PARP14: variants seen among roughly 807,000 people sequenced by gnomAD.
PARP14 encodes protein mono-ADP-ribosyltransferase PARP14.
In PARP14, 59 loss-of-function variants were observed where a neutral mutation model predicts 154.2. The ratio of observed to expected loss-of-function variants is 0.38; its 90% CI spans 0.31 to 0.48. PARP14 has a LOEUF of 0.48. Ranked by LOEUF, PARP14 falls within the 20% of genes least tolerant of loss-of-function variation. The pLI is 0.98. For synonymous variants in PARP14, 720 were observed against 780.5 expected (o/e 0.92, Z 1.29); for missense variants, 1,734 against 2,131.6 (o/e 0.81, Z 3.67).
intron 15 of PARP14, chr3:122,722,771 CCT>C (rs1331784939): frequency 6.6e-6 from 1 of 152,100 alleles, no homozygotes; most frequent in Non-Finnish European, 1.5e-5. Context: ...GCTTTCTCTC[CCT>C]GTCTGTTTTT....
intron 6 of PARP14, among the ~76,000 whole-genome samples, chr3:122,703,028 AAAC>A: frequency 1.0e-5 from 1 of 100,170 alleles, no homozygotes. Flanking sequence ...AAAAAACAAA[AAAC>A]AAAAAACAGT....
chr3:122,699,096 G>A (rs1938867717), intron 5 of PARP14, among the ~76,000 whole-genome samples: 1 of 152,178 alleles, frequency 6.6e-6, no homozygotes, highest in Admixed American at 6.5e-5. Flanking sequence ...AGGGATACCT[G>A]TGCACTGCTA....
intron 15 of PARP14, 39 bp downstream of exon 15, chr3:122,720,427 A>C (rs757841842): frequency 1.3e-6 from 2 of 1,594,598 alleles, no homozygotes; most frequent in Non-Finnish European, 1.7e-6. Context: ...GGATGGTGGA[A>C]ATAAGTTCTG....
At chr3:122,717,725 C>T (rs893553660) in intron 12 of PARP14, among the ~76,000 whole-genome samples, 2 of 152,250 alleles carry the variant, frequency 1.3e-5, no homozygotes, top group Admixed American at 1.3e-4. Flanking sequence ...AGGACACTAG[C>T]GAGCTAAGTA....
Position 122,701,813 on chromosome 3 carries a change from C to T in PARP14, c.3081+178C>T, listed in dbSNP as rs139088261. ...TAGATAATTGGGCTTCTTACCAAAT[C>T]ATTTACTAATAGAGATCGGCCAATT... On this transcript the variant is annotated intron_variant, in intron 6 of 16. Coordinates refer to ENST00000474629, the MANE Select transcript of PARP14 (RefSeq NM_017554.3). This position sits in a 1 kb window ranked among gnomAD's most constrained non-coding sequence, Gnocchi z 4.0. 4.1e-4 allele frequency among the ~76,000 whole-genome samples: 62 copies of T among 152,300 alleles called. No individual in the cohort carries two copies. The East Asian group carries it at 0.011, about 26-fold the overall frequency.
At chr3:122,692,958 C>T (rs896937705) in intron 4 of PARP14, among the ~76,000 whole-genome samples, 22 of 152,164 alleles carry the variant, frequency 1.4e-4, no homozygotes, top group African/African-American at 4.8e-4. Context: ...AATGATAACA[C>T]ACTCTCATAG....
chr3:122,716,002 G>A (rs754878531), intron 12 of PARP14, among the ~76,000 whole-genome samples: 1 of 152,186 alleles, frequency 6.6e-6, no homozygotes, highest in Non-Finnish European at 1.5e-5. Context: ...AAATAAATCA[G>A]GGTTAGTGGG....
At chr3:122,696,355 G>A (rs980648328) in intron 5 of PARP14, among the ~76,000 whole-genome samples, 2 of 152,292 alleles carry the variant, frequency 1.3e-5, no homozygotes, top group Admixed American at 6.5e-5. Flanking sequence ...TCAGGGTGGG[G>A]CATGACATAG....
At chr3:122,710,674 T>C (rs543615121) in intron 9 of PARP14, among the ~76,000 whole-genome samples, 1 of 152,320 alleles carries the variant, frequency 6.6e-6, no homozygotes, top group Non-Finnish European at 1.5e-5. Flanking sequence ...ATATTGATAA[T>C]TCCCATCCAT....
chr3:122,711,657 G>A (rs1267739371), intron 9 of PARP14, among the ~76,000 whole-genome samples: 1 of 152,014 alleles, frequency 6.6e-6, no homozygotes, highest in Non-Finnish European at 1.5e-5. Flanking sequence ...CAGTAGGATT[G>A]GTACCAATTC....
intron 10 of PARP14, 145 bp downstream of exon 10, chr3:122,713,718 GT>G: frequency 1.1e-6 from 1 of 887,336 alleles, no homozygotes; most frequent in Non-Finnish European, 1.7e-6. Flanking sequence ...AATTAATAAT[GT>G]TTATTTTATG....
intron 12 of PARP14, among the ~76,000 whole-genome samples, chr3:122,717,626 C>T (rs1933031545): frequency 6.6e-6 from 1 of 152,168 alleles, no homozygotes; most frequent in African/African-American, 2.4e-5. Flanking sequence ...TACATAAAAT[C>T]AAGTGATGAC....
Position 122,700,527 on chromosome 3 carries a change from A to G in PARP14, c.1973A>G (p.Tyr658Cys). 6.2e-7 allele frequency: 1 copy of G among 1,602,612 alleles called. No individual in the cohort carries two copies. The highest frequency in any genetic ancestry group is 1.1e-5 in the South Asian group (1 of 89,380). Residue 658 changes from tyrosine to cysteine, a missense_variant, in exon 6 of 17, where the codon TAT becomes TGT. By Grantham distance (194) the Tyr-to-Cys change is radical. Coordinates refer to ENST00000474629, the MANE Select transcript of PARP14 (RefSeq NM_017554.3). ...TGCVKEVNET[Y>C]KLLFNFVEQN... ...TGTGTAAAAGAAGTAAATGAAACCTATAAATTGCTTTTTAACTTCGTTGAA... is the reference window on the plus strand; with the variant it reads ...TGTGTAAAAGAAGTAAATGAAACCTGTAAATTGCTTTTTAACTTCGTTGAA...
In PARP14 at chr3:122,718,886, A is replaced by C; in HGVS notation, c.4735A>C (p.Asn1579His). The change falls in exon 14 of 17, where the codon AAC becomes CAC. Residue 1579 changes from asparagine to histidine, a missense_variant. Transcript: ENST00000474629. ...VKINHRHYTV[N>H]LNTYTATDTK... ...AATTAATCATCGGCACTACACAGTG[A>C]ACTTGAACACATACACTGCCACAGA... is the stretch of plus-strand genomic sequence containing the variant. 1 of 1,613,892 alleles carries C rather than the reference A, an allele frequency of 6.2e-7. No individual in the cohort carries two copies. The highest frequency in any genetic ancestry group is 8.5e-7 in the Non-Finnish European group (1 of 1,179,798).
intron 8 of PARP14, among the ~76,000 whole-genome samples, chr3:122,707,401 A>AAAT (rs1208725316): frequency 2.2e-4 from 33 of 151,458 alleles, no homozygotes; most frequent in African/African-American, 7.7e-4. Flanking sequence ...ATAAATAAAT[A>AAAT]AATAAATAAA....
At chr3:122,723,475 G>A (rs186524323) in intron 15 of PARP14, among the ~76,000 whole-genome samples, 42 of 152,200 alleles carry the variant, frequency 2.8e-4, no homozygotes, top group African/African-American at 8.4e-4. Context: ...CTTGATTTTT[G>A]TGGAAGAATC....
chr3:122,704,050 T>A, intron 7 of PARP14, 72 bp downstream of exon 7: 1 of 964,868 alleles, frequency 1.0e-6, no homozygotes, highest in Non-Finnish European at 1.7e-6. Flanking sequence ...GCATATTAAT[T>A]GGACATAGAT....
rs1168888934 is a variant in PARP14, at chr3:122,712,260, T to C, written c.3620-1164T>C. On this transcript the variant is annotated intron_variant, in intron 9 of 16. Transcript: ENST00000474629. ...CACATCTTTTTTTTTTTTTTTCTTT[T>C]TTCTATGGAGTCTTGCTCTGTTGCC... Among the ~76,000 whole-genome samples the C allele has an allele frequency of 2.0e-5, 3 of 151,946 alleles. No individual in the cohort carries two copies. The East Asian group carries it at 5.8e-4, about 29-fold the overall frequency.
At chr3:122,708,367 AT>A in intron 9 of PARP14, 99 bp downstream of exon 9, 1 of 660,176 alleles carries the variant, frequency 1.5e-6, no homozygotes. Flanking sequence ...TGAAAAAAAA[AT>A]CAATGAGTGA....
Sources: gnomAD v4.1 joint callset for allele counts (sites outside exome capture counted in the v4.1 genomes callset) on GRCh38, gnomAD v4.1.1 for gene constraint, Gnocchi (gnomAD v3.1) non-coding constraint, MANE v1.5 for transcripts, NCBI Gene and HGNC (gene_info 2026-07-23, HGNC 2026-07-21) for gene names.